CFAP46: variants seen among roughly 807,000 people sequenced by gnomAD.
CFAP46 encodes cilia- and flagella-associated protein 46.
Under a neutral mutation model 325.7 loss-of-function variants are expected in CFAP46, and 245 were observed. The observed-to-expected ratio is 0.75, with a 90% CI of 0.68 to 0.84. The LOEUF is 0.84. CFAP46 is among the 40% of genes least tolerant of loss of function. CFAP46 has a pLI of 0.00. For synonymous variants in CFAP46, 1,523 were observed against 1,495.9 expected, an observed-to-expected ratio of 1.02 and a Z score of -0.42; for missense variants, 3,346 against 3,543.0, an observed-to-expected ratio of 0.94 and a Z score of 1.41.
In CFAP46 at chr10:132,836,855, C is replaced by A. The variant is rs1401853778; in HGVS notation, c.6498G>T (p.Pro2166=). Residue 2166 remains proline, a synonymous_variant, in exon 45 of 58, where the codon CCG becomes CCT. Coordinates refer to ENST00000368586, the MANE Select transcript of CFAP46 (RefSeq NM_001200049.3). ...GGTGCAGAAAGAGGATCCAAAAGGT[C>A]GGAGGCATCTCATTCAAGAGGTTAA... The part of the protein sequence containing the change: ...QHFNLLNEMP[P]TFWILFLHLS... 6.2e-7 allele frequency: 1 copy of A among 1,613,724 alleles called. No individual in the cohort carries two copies. The highest frequency in any genetic ancestry group is 1.3e-5 in the African/African-American group (1 of 74,936).
At chr10:132,840,459 T>A (rs192312269) in intron 44 of CFAP46, among the ~76,000 whole-genome samples, 25 of 152,362 alleles carry the variant, frequency 1.6e-4, no homozygotes, top group African/African-American at 5.8e-4. Flanking sequence ...TATTGATTTG[T>A]CCTCTTTCAT....
intron 33 of CFAP46, 101 bp from the exon 34 acceptor site, chr10:132,867,608 A>C: frequency 7.2e-7 from 1 of 1,398,518 alleles, no homozygotes; most frequent in South Asian, 1.4e-5. Context: ...CCACAATTAC[A>C]TTCTTCACGC....
chr10:132,923,484 G>A (rs1482155549), intron 11 of CFAP46, among the ~76,000 whole-genome samples: 1 of 145,822 alleles, frequency 6.9e-6, no homozygotes, highest in African/African-American at 2.6e-5. Context: ...GGGGTGCCCT[G>A]GAACCCCTGG....
At chr10:132,915,551 G>C (rs960216822) in intron 17 of CFAP46, among the ~76,000 whole-genome samples, 2 of 151,720 alleles carry the variant, frequency 1.3e-5, no homozygotes, top group Non-Finnish European at 2.9e-5. Flanking sequence ...CGGCGAGGGC[G>C]GGGCGCCGTG....
At chr10:132,881,754 G>A (rs1849046608) in intron 27 of CFAP46, among the ~76,000 whole-genome samples, 1 of 152,264 alleles carries the variant, frequency 6.6e-6, no homozygotes, top group Non-Finnish European at 1.5e-5. Flanking sequence ...CCAGCAGGGT[G>A]GACCTCGCAC....
intron 27 of CFAP46, 64 bp from the exon 28 acceptor site, chr10:132,881,096 G>A (rs147298902): frequency 0.011 from 15,689 of 1,413,000 alleles, 194 homozygotes; most frequent in Middle Eastern, 0.053. Flanking sequence ...CTGACGCAGT[G>A]GAATACTTTT....
Position 132,814,019 on chromosome 10 carries a change from C to T in CFAP46, c.7388+133G>A, listed in dbSNP as rs138143034. 590 of 678,636 alleles carry T rather than the reference C, an allele frequency of 8.7e-4. 4 individuals carry two copies. The African/African-American group carries it at 9.2e-3, about 11-fold the overall frequency. The allele number at this position is 678,636 out of a possible 1,614,324, so 42.0% of individuals were successfully genotyped here. A position where few individuals can be genotyped will look rare whatever the true frequency, so the allele number is the denominator to read the frequency against. On this transcript the variant is annotated intron_variant, in intron 54 of 57. Coordinates refer to ENST00000368586, the MANE Select transcript of CFAP46 (RefSeq NM_001200049.3). The stretch of plus-strand genomic sequence containing the variant: ...TGAGGATTCAAGGAGCTGGGTCTGT[C>T]TCAGCATTGCATGCTGTATGTGGCA...
At chr10:132,850,837 A>G (rs1848528212) in intron 40 of CFAP46, among the ~76,000 whole-genome samples, 1 of 152,074 alleles carries the variant, frequency 6.6e-6, no homozygotes, top group South Asian at 2.1e-4. Context: ...TGCATTAATT[A>G]TTAATACGAA....
At chr10:132,932,671 C>A (rs1849931365) in intron 8 of CFAP46, among the ~76,000 whole-genome samples, 1 of 152,282 alleles carries the variant, frequency 6.6e-6, no homozygotes, top group Non-Finnish European at 1.5e-5. Flanking sequence ...ATGCGACAAG[C>A]CCGTAGGCGT....
intron 56 of CFAP46, 135 bp downstream of exon 56, chr10:132,810,815 G>A (rs1410838316): frequency 6.0e-6 from 5 of 835,122 alleles, no homozygotes; most frequent in East Asian, 2.7e-5. Flanking sequence ...CTGCTGGAAC[G>A]CATGTGCACC....
Position 132,922,240 on chromosome 10 carries a change from A to C in CFAP46, c.1486-16T>G, listed in dbSNP as rs1422214402. On this transcript the variant is annotated splice_polypyrimidine_tract_variant and intron_variant, in intron 12 of 57. Coordinates refer to ENST00000368586, the MANE Select transcript of CFAP46 (RefSeq NM_001200049.3). Reference sequence around the variant, plus strand: ...CTTTTTTTGCCTGTGAAAAGCAGAGACTGATGAGCAAGGGGCCGCTGGACT... The same window carrying C: ...CTTTTTTTGCCTGTGAAAAGCAGAGCCTGATGAGCAAGGGGCCGCTGGACT... 6.5e-7 allele frequency: 1 copy of C among 1,545,748 alleles called. No individual in the cohort carries two copies. The highest frequency in any genetic ancestry group is 8.7e-7 in the Non-Finnish European group (1 of 1,143,572).
At position 132,834,669 on chromosome 10, in the gene CFAP46, C is replaced by A; in HGVS notation, c.6851G>T (p.Ser2284Ile). ...ELLQPLFPLL[S>I]LSKARVQTPA... is the part of the protein sequence containing the mutation. Reference sequence around the variant, plus strand: ...TCCCCAGTACCTGGCCTTGGAGAGGCTGAGCAGGGGGAATAGCGGCTGCAG... The same window carrying A: ...TCCCCAGTACCTGGCCTTGGAGAGGATGAGCAGGGGGAATAGCGGCTGCAG... Residue 2284 changes from serine to isoleucine, a missense_variant, in exon 48 of 58, where the codon AGC becomes ATC. Coordinates refer to ENST00000368586, the MANE Select transcript of CFAP46 (RefSeq NM_001200049.3). 2 of 1,613,388 alleles carry A rather than the reference C, an allele frequency of 1.2e-6. No homozygotes were observed. The highest frequency in any genetic ancestry group is 2.2e-5 in the South Asian group (2 of 91,026).
At chr10:132,872,961 G>A (rs1173894809) in intron 31 of CFAP46, 137 bp from the exon 32 acceptor site, 13 of 939,548 alleles carry the variant, frequency 1.4e-5, no homozygotes, top group African/African-American at 4.9e-5. Flanking sequence ...GCGCGTGTCC[G>A]CACACAGCAG....
At chr10:132,915,608 AGCTTCTGCCCCGAGGGACCGGCG>A (rs1319434055) in intron 17 of CFAP46, among the ~76,000 whole-genome samples, 4 of 151,124 alleles carry the variant, frequency 2.6e-5, no homozygotes, top group African/African-American at 9.8e-5. Context: ...CGCCGTGCCC[AGCTTCTGCCCCGAGGGACCGGCG>A]AGGGCGGGGT....
rs148068932 is a variant in CFAP46, at chr10:132,859,812, T to C, written c.5199-565A>G. On this transcript the variant is annotated intron_variant, in intron 37 of 57. Transcript: ENST00000368586. ...CCAAAGCCAGCTCCTTGAAAAGGTC[T>C]GCTGCGTTGGAGCCTGTGATTCTGA... Among the ~76,000 whole-genome samples, 1,409 of 152,370 alleles carry C rather than the reference T, an allele frequency of 9.2e-3. 12 individuals carry two copies. The highest frequency in any genetic ancestry group is 0.043 in the South Asian group (210 of 4,830).
intron 35 of CFAP46, among the ~76,000 whole-genome samples, chr10:132,862,665 A>G (rs1395534040): frequency 6.6e-6 from 1 of 151,574 alleles, no homozygotes; most frequent in East Asian, 2.0e-4. Flanking sequence ...CCGAGAGACA[A>G]GGCCACTGTG....
At chr10:132,885,732 C>T in intron 26 of CFAP46, 89 bp downstream of exon 26, 3 of 1,397,358 alleles carry the variant, frequency 2.1e-6, no homozygotes, top group Non-Finnish European at 2.9e-6. Flanking sequence ...GTGGAGCACT[C>T]ACAGGCGGTG....
intron 44 of CFAP46, among the ~76,000 whole-genome samples, chr10:132,844,470 C>T (rs1480339938): frequency 2.0e-5 from 3 of 152,162 alleles, no homozygotes; most frequent in Admixed American, 1.3e-4. Context: ...CAGCCTTTCC[C>T]GAGGCTGCTG....
intron 43 of CFAP46, among the ~76,000 whole-genome samples, chr10:132,846,500 A>C (rs1848439103): frequency 6.7e-6 from 1 of 148,842 alleles, no homozygotes; most frequent in Non-Finnish European, 1.5e-5. Context: ...CCTCTGTGGG[A>C]CCTCTGTGAG....
Sources: gnomAD v4.1 joint callset for allele counts (sites outside exome capture counted in the v4.1 genomes callset) on GRCh38, gnomAD v4.1.1 for gene constraint, MANE v1.5 for transcripts, NCBI Gene and HGNC (gene_info 2026-07-23, HGNC 2026-07-21) for gene names.